ALS2: variants seen among roughly 807,000 people sequenced by gnomAD.
ALS2 encodes the protein alsin Rho guanine nucleotide exchange factor ALS2.
A neutral mutation model predicts 203.4 loss-of-function variants in ALS2; 117 were observed. The ratio of observed to expected loss-of-function variants is 0.58; its 90% CI spans 0.50 to 0.67. ALS2 has a LOEUF of 0.67. Among genes scored for constraint, ALS2 ranks in the 30% least tolerant of loss-of-function variants. ALS2 has a pLI of 0.00. For synonymous variants in ALS2, 718 were observed against 725.9 expected, an observed-to-expected ratio of 0.99 and a Z score of 0.17; for missense variants, 1,715 against 1,989.4, an observed-to-expected ratio of 0.86 and a Z score of 2.62.
intron 8 of ALS2, among the ~76,000 whole-genome samples, chr2:201,747,909 C>T (rs1692777957): frequency 6.6e-6 from 1 of 152,228 alleles, no homozygotes; most frequent in Non-Finnish European, 1.5e-5. Flanking sequence ...GCCCCCACTC[C>T]ATCCTTAACC....
chr2:201,708,134 C>G (rs1223157511), intron 27 of ALS2, 143 bp from the exon 28 acceptor site: 1 of 713,652 alleles, frequency 1.4e-6, no homozygotes, highest in Non-Finnish European at 2.3e-6. Context: ...ATGTTTCTAA[C>G]AGGATAAAAT....
At chr2:201,714,747 T>C (rs1690256493) in intron 25 of ALS2, among the ~76,000 whole-genome samples, 1 of 152,234 alleles carries the variant, frequency 6.6e-6, no homozygotes, top group Non-Finnish European at 1.5e-5. Context: ...TACAACTTAA[T>C]GACTACTCTG....
At chr2:201,771,172 G>A (rs919949484) in intron 1 of ALS2, among the ~76,000 whole-genome samples, 17 of 150,294 alleles carry the variant, frequency 1.1e-4, no homozygotes, top group Non-Finnish European at 1.9e-4. Flanking sequence ...TCAGCCTCCC[G>A]AGTAGCTGGG....
At position 201,727,162 on chromosome 2, in the gene ALS2, G is replaced by T. The variant is rs764503477; in HGVS notation, c.2979+50C>A. 1.9e-5 allele frequency: 27 copies of T among 1,414,820 alleles called. No homozygotes were observed. The Admixed American group carries it at 4.4e-4, about 23-fold the overall frequency. 87.6% of individuals were successfully genotyped at this position (1,414,820 alleles called of 1,614,324 possible). On this transcript the variant is annotated intron_variant, in intron 17 of 33. Transcript: ENST00000264276. The stretch of plus-strand genomic sequence containing the variant: ...ATATTTCTTCTTTATTACACAAGAG[G>T]CAGAAAGAGCCAGGGCGAAGATTGA...
chr2:201,741,891 T>TGA (rs1372035974), intron 10 of ALS2, 37 bp from the exon 11 acceptor site: 22 of 1,511,330 alleles, frequency 1.5e-5, no homozygotes, highest in Non-Finnish European at 1.2e-5. Flanking sequence ...CAACACAAAC[T>TGA]GAAAACCGAT....
intron 26 of ALS2, among the ~76,000 whole-genome samples, chr2:201,710,433 T>TA (rs111300498): frequency 0.93 from 134,614 of 145,090 alleles, 62,686 homozygotes; most frequent in East Asian, 0.98. Flanking sequence ...CCCCCATATC[T>TA]AAAAAAAAAA....
At chr2:201,715,597 G>T in intron 25 of ALS2, 75 bp downstream of exon 25, 2 of 1,545,792 alleles carry the variant, frequency 1.3e-6, no homozygotes, top group Non-Finnish European at 8.9e-7. Flanking sequence ...AATGTGGTGA[G>T]CCTTGACTAC....
chr2:201,780,625 G>C (rs1694863261), intron 1 of ALS2, among the ~76,000 whole-genome samples: 1 of 152,210 alleles, frequency 6.6e-6, no homozygotes, highest in South Asian at 2.1e-4. Flanking sequence ...GGGAGGGAGA[G>C]ACCGGGGCAA....
chr2:201,707,296 C>G (rs1472343305), intron 28 of ALS2, among the ~76,000 whole-genome samples: 1 of 152,112 alleles, frequency 6.6e-6, no homozygotes, highest in Non-Finnish European at 1.5e-5. Flanking sequence ...TGAGGTTATT[C>G]TAGGACAGTG....
chr2:201,720,117 G>A, intron 23 of ALS2: 1 of 433,000 alleles, frequency 2.3e-6, no homozygotes, highest in Non-Finnish European at 4.6e-6. Context: ...GTTCTATGAG[G>A]CCAGAATTAT....
intron 4 of ALS2, chr2:201,759,422 A>G: frequency 1.1e-6 from 1 of 945,718 alleles, no homozygotes; most frequent in Non-Finnish European, 1.3e-6. Context: ...TTATTTACAA[A>G]GAATAAATTA....
In ALS2 at chr2:201,780,887, A is replaced by ACCGGCAGCACCGCGCTCCGCAT. The variant is rs1262426860; in HGVS notation, c.-93_-72dup. On this transcript the variant is annotated 5_prime_UTR_variant, in exon 1 of 34. In the 5' UTR this introduces an upstream ATG that the reference lacks. Transcript: ENST00000264276. ...CCCACACTCGCTCACCTGAAGCTCC[A>ACCGGCAGCACCGCGCTCCGCAT]CCGGCAGCACCGCGCTCCGCATCCG... The ACCGGCAGCACCGCGCTCCGCAT allele has an allele frequency of 6.5e-6, 1 of 152,678 alleles. No individual in the cohort carries two copies. Among genetic ancestry groups the ACCGGCAGCACCGCGCTCCGCAT allele is most frequent in the African/African-American group, 2.4e-5 (1 of 41,542 alleles). The allele number at this position is 152,678 out of a possible 1,614,324, so 9.5% of individuals were successfully genotyped here.
intron 3 of ALS2, chr2:201,763,438 C>T: frequency 3.9e-6 from 1 of 253,802 alleles, no homozygotes; most frequent in Non-Finnish European, 7.8e-6. Flanking sequence ...CCAAGACCTA[C>T]AGCTAACTGG....
chr2:201,722,336 A>G (rs965198990), intron 23 of ALS2: 8 of 152,246 alleles, frequency 5.3e-5, no homozygotes, highest in African/African-American at 1.9e-4. Context: ...AAAATAAGAA[A>G]TATTTTTTGA....
At chr2:201,704,403 C>G (rs780722382) in intron 32 of ALS2, 51 bp downstream of exon 32, 1 of 1,601,542 alleles carries the variant, frequency 6.2e-7, no homozygotes, top group Non-Finnish European at 8.5e-7. Context: ...ATGCAAGCAG[C>G]AGACTTTTAA....
At chr2:201,751,721 T>C (rs140283309) in intron 7 of ALS2, among the ~76,000 whole-genome samples, 5 of 152,340 alleles carry the variant, frequency 3.3e-5, no homozygotes, top group African/African-American at 1.2e-4. Flanking sequence ...TGTCTTTTTC[T>C]ATGCCTAAAA....
intron 2 of ALS2, 23 bp downstream of exon 2, chr2:201,768,843 A>G (rs1354790807): frequency 3.2e-5 from 52 of 1,611,130 alleles, no homozygotes; most frequent in Non-Finnish European, 4.4e-5. Context: ...GGAGGATAAG[A>G]GAAAAGGAAG....
In ALS2 at chr2:201,761,461, C is replaced by A. The variant is rs372000096; in HGVS notation, c.533G>T (p.Cys178Phe). The change falls in exon 4 of 34, where the codon TGT (cysteine) becomes TTT (phenylalanine). Residue 178 changes from cysteine (C) to phenylalanine (F), a missense_variant. This residue lies in a region of ALS2 where 476 missense variants were observed against 539.3 expected (regional missense o/e 0.88). Transcript: ENST00000264276. ...SREIWAWGTG[C>F]QLGLITTAFP... The stretch of plus-strand genomic sequence containing the variant: ...GGCAGTGGTAATGAGACCCAACTGA[C>A]AACCGGTACCCCATGCCCAAATCTC... The A allele has an allele frequency of 8.7e-6, 14 of 1,607,528 alleles. 1 individual carries two copies. The Middle Eastern group carries it at 2.0e-3, about 228-fold the overall frequency.
intron 8 of ALS2, among the ~76,000 whole-genome samples, chr2:201,747,865 G>T (rs10189608): frequency 1.3e-5 from 2 of 152,224 alleles, no homozygotes; most frequent in African/African-American, 2.4e-5. Flanking sequence ...GTGATTCAGT[G>T]GCCACCATGC....
Sources: allele counts gnomAD v4.1 joint callset (sites outside exome capture counted in the v4.1 genomes callset), GRCh38; gene constraint gnomAD v4.1.1; regional missense constraint gnomAD v4.1.1; transcripts MANE v1.5; gene names NCBI Gene and HGNC (gene_info 2026-07-23, HGNC 2026-07-21).